CYFIP2: variants seen among roughly 807,000 people sequenced by gnomAD.
The protein encoded by CYFIP2 is cytoplasmic FMR1 interacting protein 2, also known as cytoplasmic FMR1-interacting protein 2.
Under a neutral mutation model 158.7 loss-of-function variants are expected in CYFIP2, and 29 were observed. That is an observed-to-expected ratio of 0.18 (90% CI 0.14 to 0.25). CYFIP2 has a LOEUF of 0.25. CYFIP2 is among the 10% of genes least tolerant of loss of function. CYFIP2 has a pLI of 1.00. For synonymous variants in CYFIP2, 585 were observed against 617.6 expected (o/e 0.95, Z 0.78); for missense variants, 852 against 1,639.5 (o/e 0.52, Z 8.29).
At chr5:157,271,650 G>A (rs946009569) in intron 1 of CYFIP2, 6 of 152,216 alleles carry the variant, frequency 3.9e-5, no homozygotes, top group African/African-American at 1.4e-4. Flanking sequence ...TGGACATCAT[G>A]GTTGAGAGAG....
At chr5:157,391,238 T>C (rs1581215329) in intron 30 of CYFIP2, among the ~76,000 whole-genome samples, 1 of 151,974 alleles carries the variant, frequency 6.6e-6, no homozygotes, top group Non-Finnish European at 1.5e-5. Context: ...GAAGGGTGGG[T>C]CTCAGGGACC....
At chr5:157,334,089 G>A (rs1349548024) in intron 21 of CYFIP2, among the ~76,000 whole-genome samples, 3 of 152,212 alleles carry the variant, frequency 2.0e-5, no homozygotes, top group Admixed American at 2.0e-4. Context: ...CAGAAGGAGT[G>A]GGAAATGGAA....
rs146049155 is a variant in CYFIP2 at position 157,331,734 on chromosome 5, G to A, written c.2265+884G>A. Among the ~76,000 whole-genome samples the A allele has an allele frequency of 4.1e-4, 63 of 152,248 alleles. No individual in the cohort carries two copies. In the East Asian group the frequency reaches 6.6e-3, roughly 16 times the overall value. On this transcript the variant is annotated intron_variant, in intron 20 of 30. Coordinates refer to ENST00000620254, the MANE Select transcript of CYFIP2 (RefSeq NM_001037333.3). ...ATCGGTTACAATGCAGCCAGAATTA[G>A]CCACAGGATATTAAATACTGAGGGC... is the stretch of plus-strand genomic sequence containing the variant.
chr5:157,297,577 T>C (rs1758359596), intron 5 of CYFIP2, among the ~76,000 whole-genome samples: 1 of 152,112 alleles, frequency 6.6e-6, no homozygotes, highest in Non-Finnish European at 1.5e-5. Context: ...CCCAAAATCT[T>C]TTTGGGAAGG....
chr5:157,312,415 CTA>C (rs1442656123), intron 11 of CYFIP2, among the ~76,000 whole-genome samples: 1 of 151,870 alleles, frequency 6.6e-6, no homozygotes, highest in Non-Finnish European at 1.5e-5. Context: ...ACATAAAATC[CTA>C]CCATCCCAGA....
intron 26 of CYFIP2, 97 bp from the exon 27 acceptor site, chr5:157,382,493 G>T: frequency 7.7e-7 from 1 of 1,295,940 alleles, no homozygotes; most frequent in Non-Finnish European, 1.1e-6. Context: ...TTTGAACCCA[G>T]GTCTAGCTAA....
In CYFIP2 at chr5:157,343,668, G is replaced by T. The variant is rs1320284781; in HGVS notation, c.2673+2511G>T. Reference sequence around the variant, plus strand: ...ATGTTGCCCTCATCTTACAGACAAAGAAATGGAGGCCGAGAGGTTCTGTTA... The same window carrying T: ...ATGTTGCCCTCATCTTACAGACAAATAAATGGAGGCCGAGAGGTTCTGTTA... On this transcript the variant is annotated intron_variant, in intron 23 of 30. Transcript: ENST00000620254. The T allele has an allele frequency of 1.0e-5, 8 of 788,288 alleles. No homozygotes were observed. In the African/African-American group the frequency reaches 1.2e-4, roughly 12 times the overall value. 48.8% of individuals were successfully genotyped at this position (788,288 alleles called of 1,614,324 possible).
At chr5:157,328,116 G>A (rs1761168778) in intron 19 of CYFIP2, 67 bp downstream of exon 19, 1 of 1,468,944 alleles carries the variant, frequency 6.8e-7, no homozygotes, top group Non-Finnish European at 9.4e-7. Context: ...ATGATTTTCT[G>A]TTGTGAAACC....
intron 23 of CYFIP2, chr5:157,343,251 C>T: frequency 1.2e-6 from 2 of 1,614,188 alleles, no homozygotes; most frequent in Non-Finnish European, 1.7e-6. Context: ...GGACTCTTAT[C>T]CAGGGTGTGG....
chr5:157,279,677 A>T (rs1253229537), intron 1 of CYFIP2, among the ~76,000 whole-genome samples: 1 of 152,226 alleles, frequency 6.6e-6, no homozygotes, highest in Non-Finnish European at 1.5e-5. Context: ...ACCCATCATG[A>T]ATGCCCGCCA....
At chr5:157,335,568 T>A (rs537085772) in intron 21 of CYFIP2, among the ~76,000 whole-genome samples, 23 of 152,174 alleles carry the variant, frequency 1.5e-4, no homozygotes, top group Non-Finnish European at 2.8e-4. Context: ...TAGCACTTAA[T>A]AAATAATAGC....
intron 14 of CYFIP2, 28 bp downstream of exon 14, chr5:157,319,956 T>C (rs1237548308): frequency 8.7e-6 from 14 of 1,610,418 alleles, no homozygotes; most frequent in Non-Finnish European, 1.2e-5. Flanking sequence ...TTCAGGAGCA[T>C]ATCAGACATA....
At chr5:157,306,942 G>A (rs974029633) in intron 8 of CYFIP2, among the ~76,000 whole-genome samples, 15 of 146,666 alleles carry the variant, frequency 1.0e-4, no homozygotes, top group Non-Finnish European at 2.1e-4. Context: ...AGCAACCTTA[G>A]CAGTACCCTG....
intron 13 of CYFIP2, among the ~76,000 whole-genome samples, chr5:157,317,663 T>G (rs1760258891): frequency 6.6e-6 from 1 of 152,240 alleles, no homozygotes; most frequent in Non-Finnish European, 1.5e-5. Context: ...TGTCCATCAC[T>G]GAGCCACACG....
chr5:157,350,508 A>T (rs1335997728), intron 23 of CYFIP2, among the ~76,000 whole-genome samples: 1 of 152,206 alleles, frequency 6.6e-6, no homozygotes, highest in East Asian at 1.9e-4. Flanking sequence ...TGACATTACC[A>T]TGCTGTTTCG....
chr5:157,354,236 G>A (rs1763264076), intron 23 of CYFIP2, among the ~76,000 whole-genome samples: 1 of 152,124 alleles, frequency 6.6e-6, no homozygotes, highest in Non-Finnish European at 1.5e-5. Flanking sequence ...TCTATTTTGT[G>A]TAGTGTGGAT....
rs1451810847 is a variant in CYFIP2, at chr5:157,343,470, A to G, written c.2673+2313A>G. ...ATAATATGGTAATAGTCCTCCAGGC[A>G]GGGCTCCGAGGACGACCAGGAGATG... On this transcript the variant is annotated intron_variant, in intron 23 of 30. Transcript: ENST00000620254. The G allele has an allele frequency of 3.7e-6, 6 of 1,607,842 alleles. No individual in the cohort carries two copies. Among genetic ancestry groups the G allele is most frequent in the Middle Eastern group, 1.7e-4 (1 of 6,042 alleles).
intron 26 of CYFIP2, among the ~76,000 whole-genome samples, chr5:157,362,436 T>C (rs1182057012): frequency 6.6e-6 from 1 of 152,230 alleles, no homozygotes; most frequent in Non-Finnish European, 1.5e-5. Context: ...TCTAGCTTCC[T>C]TGGCTGTTGT....
At chr5:157,313,026 CT>C (rs1363580068) in intron 11 of CYFIP2, among the ~76,000 whole-genome samples, 1 of 152,194 alleles carries the variant, frequency 6.6e-6, no homozygotes, top group Non-Finnish European at 1.5e-5. Context: ...CTCTTAATTC[CT>C]ACTCTCATTT....
Sources: allele counts gnomAD v4.1 joint callset (sites outside exome capture counted in the v4.1 genomes callset), GRCh38; gene constraint gnomAD v4.1.1; transcripts MANE v1.5; gene names NCBI Gene and HGNC (gene_info 2026-07-23, HGNC 2026-07-21).